Variants in CDH18 observed in about 807,000 individuals in gnomAD.
The protein encoded by CDH18 is cadherin-18.
Under a neutral mutation model 67.9 loss-of-function variants are expected in CDH18, and 31 were observed. That is an observed-to-expected ratio of 0.46 (90% confidence interval 0.34 to 0.62). The LOEUF (loss-of-function observed/expected upper bound fraction) is 0.62. CDH18 is among the 20% of genes least tolerant of loss of function. CDH18 has a pLI of 0.01. For synonymous variants in CDH18, 362 were observed against 347.2 expected (o/e 1.04, Z -0.48); for missense variants, 890 against 975.5 (o/e 0.91, Z 1.17).
chr5:20,337,372 C>T (rs1739873428), intron 1 of CDH18, among the ~76,000 whole-genome samples: 1 of 152,152 alleles, frequency 6.6e-6, no homozygotes, highest in Admixed American at 6.5e-5. Flanking sequence ...ATGCCTTTAG[C>T]AGCACCCAAG....
At chr5:20,174,260 T>C (rs968680806) in intron 2 of CDH18, among the ~76,000 whole-genome samples, 2 of 152,210 alleles carry the variant, frequency 1.3e-5, no homozygotes, top group Admixed American at 6.6e-5. Context: ...CATTTGCTCA[T>C]TTAAATAAGG....
Position 19,482,240 on chromosome 5 carries a change from C to T in CDH18, c.1882+1061G>A, listed in dbSNP as rs528370893. On this transcript the variant is annotated intron_variant, in intron 12 of 12. Coordinates refer to ENST00000382275, the MANE Select transcript of CDH18 (RefSeq NM_004934.5). ...ATGCCATTCTCCTGCCTCAGCCTCC[C>T]GAGTAGCTGGGACTACAGGTGCCTG... Among the ~76,000 whole-genome samples, 510 of 152,054 alleles carry T rather than the reference C, an allele frequency of 3.4e-3. 3 individuals carry two copies. The highest frequency in any genetic ancestry group is 0.012 in the African/African-American group (482 of 41,482).
intron 1 of CDH18, among the ~76,000 whole-genome samples, chr5:20,487,442 G>T (rs1753271856): frequency 6.7e-6 from 1 of 149,348 alleles, no homozygotes; most frequent in Non-Finnish European, 1.5e-5. Context: ...ATATAATCGG[G>T]CTACATCAAT....
chr5:19,741,289 A>ATATATG (rs1769160017), intron 4 of CDH18, among the ~76,000 whole-genome samples: 2 of 141,616 alleles, frequency 1.4e-5, no homozygotes, highest in African/African-American at 5.1e-5. Flanking sequence ...GTGTATATAT[A>ATATATG]CATACATATA....
intron 2 of CDH18, among the ~76,000 whole-genome samples, chr5:20,223,429 A>T (rs1177362893): frequency 6.6e-6 from 1 of 152,102 alleles, no homozygotes; most frequent in Non-Finnish European, 1.5e-5. Flanking sequence ...TGTGGAAGGG[A>T]CTTGCCTTGT....
intron 6 of CDH18, among the ~76,000 whole-genome samples, chr5:19,592,155 A>C (rs906317847): frequency 6.6e-6 from 1 of 152,002 alleles, no homozygotes; most frequent in African/African-American, 2.4e-5. Flanking sequence ...CAAATAGAAA[A>C]GTATATGTAC....
At chr5:20,572,057 C>G (rs1028993984) in intron 1 of CDH18, among the ~76,000 whole-genome samples, 2 of 152,052 alleles carry the variant, frequency 1.3e-5, no homozygotes, top group Non-Finnish European at 2.9e-5. Context: ...GGGAAATACC[C>G]TTTCTTCCCG....
At chr5:19,973,529 T>C (rs943224089) in intron 2 of CDH18, among the ~76,000 whole-genome samples, 18 of 152,200 alleles carry the variant, frequency 1.2e-4, no homozygotes, top group Non-Finnish European at 2.2e-4. Context: ...GGTTTACTTT[T>C]TACTTGGAGG....
chr5:20,540,727 T>TTCC (rs1757006714), intron 1 of CDH18, among the ~76,000 whole-genome samples: 2 of 152,190 alleles, frequency 1.3e-5, no homozygotes, highest in South Asian at 2.1e-4. Flanking sequence ...CTACGAATAT[T>TTCC]TAGGATCACC....
At chr5:20,059,070 G>A (rs1352191301) in intron 2 of CDH18, among the ~76,000 whole-genome samples, 2 of 152,254 alleles carry the variant, frequency 1.3e-5, no homozygotes, top group East Asian at 1.9e-4. Context: ...GGGTGTATGC[G>A]TCCAGGAATT....
intron 1 of CDH18, among the ~76,000 whole-genome samples, chr5:20,460,818 TAAC>T (rs879520590): frequency 3.9e-5 from 6 of 152,206 alleles, no homozygotes; most frequent in African/African-American, 1.2e-4. Flanking sequence ...TTCAAAATAA[TAAC>T]GATACAAATG....
At chr5:19,496,811 C>CAAAAAA (rs777601146) in intron 11 of CDH18, among the ~76,000 whole-genome samples, 1 of 75,208 alleles carries the variant, frequency 1.3e-5, no homozygotes, top group African/African-American at 5.1e-5. Context: ...GACTCCATCT[C>CAAAAAA]AAAAAAAAAA....
intron 1 of CDH18, among the ~76,000 whole-genome samples, chr5:20,291,038 G>T (rs537807859): frequency 2.0e-5 from 3 of 152,216 alleles, no homozygotes; most frequent in Admixed American, 6.5e-5. Context: ...TCTTAAATAT[G>T]AGAGTGATTA....
intron 2 of CDH18, among the ~76,000 whole-genome samples, chr5:19,918,291 G>T (rs572842847): frequency 6.6e-6 from 1 of 152,232 alleles, no homozygotes; most frequent in East Asian, 1.9e-4. Flanking sequence ...TCAAGATAAT[G>T]TGAACACACA....
rs966257643 is a variant in CDH18 at position 20,393,668 on chromosome 5, G to C, written c.-579-138163C>G. Among the ~76,000 whole-genome samples, 3 of 151,966 alleles carry C rather than the reference G, an allele frequency of 2.0e-5. No individual in the cohort carries two copies. In the South Asian group the frequency reaches 6.2e-4, roughly 31 times the overall value. ...CTCCTAGATTTGATAAATGAATTCA[G>C]TAAAGTCTCAGGTTACAAAATCAAT... On this transcript the variant is annotated intron_variant, in intron 1 of 14. Coordinates refer to the CDH18 transcript ENST00000507958.
chr5:19,679,904 C>T (rs543184354), intron 5 of CDH18, among the ~76,000 whole-genome samples: 1 of 152,116 alleles, frequency 6.6e-6, no homozygotes, highest in South Asian at 2.1e-4. Context: ...TTCTACCAAA[C>T]TACCAATGTC....
chr5:19,741,732 T>G (rs1466114879), intron 4 of CDH18, among the ~76,000 whole-genome samples: 1 of 152,166 alleles, frequency 6.6e-6, no homozygotes, highest in East Asian at 1.9e-4. Flanking sequence ...ACTTTGACAT[T>G]TTTAATTCTT....
intron 2 of CDH18, among the ~76,000 whole-genome samples, chr5:20,211,879 A>G (rs1481051576): frequency 6.6e-6 from 1 of 152,010 alleles, no homozygotes; most frequent in Non-Finnish European, 1.5e-5. Flanking sequence ...TCTTCTCTCC[A>G]AAGGAACCAG....
intron 1 of CDH18, among the ~76,000 whole-genome samples, chr5:20,474,171 G>A (rs1752278947): frequency 6.6e-6 from 1 of 152,052 alleles, no homozygotes; most frequent in South Asian, 2.1e-4. Flanking sequence ...AGCTACTCGG[G>A]AGGCTGAGGC....
Sources: allele counts gnomAD v4.1 joint callset (sites outside exome capture counted in the v4.1 genomes callset), GRCh38; gene constraint gnomAD v4.1.1; transcripts MANE v1.5; gene names NCBI Gene and HGNC (gene_info 2026-07-23, HGNC 2026-07-21).